Variants in MLLT3 observed in about 807,000 individuals in gnomAD.
The protein encoded by MLLT3 is MLLT3 super elongation complex subunit.
Under a neutral mutation model 53.2 loss-of-function variants are expected in MLLT3, and 4 were observed. That is an observed-to-expected ratio of 0.08 (90% CI 0.04 to 0.17). The LOEUF is 0.17. Among genes scored for constraint, MLLT3 ranks in the 10% least tolerant of loss-of-function variants. The pLI is 1.00. For missense variants in MLLT3, 569 were observed against 684.0 expected (o/e 0.83, Z 1.87); for synonymous variants, 283 against 230.6 (o/e 1.23, Z -2.06).
intron 2 of MLLT3, among the ~76,000 whole-genome samples, chr9:20,543,712 G>GGAC (rs1047921136): frequency 6.6e-6 from 1 of 150,870 alleles, no homozygotes; most frequent in Non-Finnish European, 1.5e-5. Context: ...AAGAGGAGGA[G>GGAC]GACGGAGGAG....
intron 4 of MLLT3, among the ~76,000 whole-genome samples, chr9:20,430,147 G>A (rs570055956): frequency 2.3e-4 from 35 of 152,066 alleles, no homozygotes; most frequent in African/African-American, 8.4e-4. Context: ...AAGTAGCTAG[G>A]AATAAATAAA....
intron 8 of MLLT3, among the ~76,000 whole-genome samples, chr9:20,359,848 T>A (rs1032986602): frequency 3.3e-5 from 5 of 152,208 alleles, no homozygotes; most frequent in African/African-American, 1.2e-4. Context: ...AGGAAATCTG[T>A]CGACACAAAA....
At chr9:20,363,676 G>C (rs1323946057) in intron 6 of MLLT3, 71 bp from the exon 7 acceptor site, 2 of 1,494,856 alleles carry the variant, frequency 1.3e-6, no homozygotes, top group Non-Finnish European at 9.1e-7. Context: ...TAGAAACAGG[G>C]GGATGCTTAC....
intron 10 of MLLT3, among the ~76,000 whole-genome samples, chr9:20,347,766 ATTCTCT>A (rs1299809334): frequency 6.6e-6 from 1 of 152,200 alleles, no homozygotes; most frequent in Non-Finnish European, 1.5e-5. Context: ...GTTGTCTGTT[ATTCTCT>A]TTCTATCACT....
In MLLT3 at chr9:20,621,607, C is replaced by A. The variant is rs1179624036; in HGVS notation, c.12+638G>T. 6.6e-6 allele frequency among the ~76,000 whole-genome samples: 1 copy of A among 152,120 alleles called. No homozygotes were observed. ...CCAAGTGGCTCCAAAGTATCTCCCA[C>A]CTCCCCCCAAAAAATGAAATTCAGA... is the stretch of plus-strand genomic sequence containing the variant. On this transcript the variant is annotated intron_variant, in intron 1 of 10. Coordinates refer to ENST00000380338, the MANE Select transcript of MLLT3 (RefSeq NM_004529.4). The surrounding 1 kb of genome is among the most constrained non-coding windows in gnomAD (Gnocchi z 7.0).
intron 2 of MLLT3, among the ~76,000 whole-genome samples, chr9:20,603,111 A>G (rs1231270490): frequency 6.6e-6 from 1 of 152,134 alleles, no homozygotes. Context: ...CTTTACCATT[A>G]GCAAGAATCA....
chr9:20,571,446 AT>A (rs889651392), intron 2 of MLLT3, among the ~76,000 whole-genome samples: 1 of 152,188 alleles, frequency 6.6e-6, no homozygotes, highest in Non-Finnish European at 1.5e-5. Flanking sequence ...GATTTTATGT[AT>A]TTTTTTACTA....
chr9:20,360,948 A>C, intron 7 of MLLT3, 107 bp from the exon 8 acceptor site: 1 of 954,680 alleles, frequency 1.0e-6, no homozygotes, highest in East Asian at 2.6e-5. Context: ...AACCCTTGAC[A>C]AGTTCATTTT....
chr9:20,428,785 C>T (rs1416919700), intron 4 of MLLT3, among the ~76,000 whole-genome samples: 1 of 151,832 alleles, frequency 6.6e-6, no homozygotes, highest in Non-Finnish European at 1.5e-5. Flanking sequence ...GTAAATACAG[C>T]ATAGGAAGAA....
At chr9:20,491,845 T>C (rs1338233006) in intron 2 of MLLT3, among the ~76,000 whole-genome samples, 3 of 152,094 alleles carry the variant, frequency 2.0e-5, no homozygotes, top group Non-Finnish European at 4.4e-5. Context: ...TTTCAGAGCA[T>C]AGTACAAAGA....
chr9:20,574,765 A>G (rs547840131), intron 2 of MLLT3, among the ~76,000 whole-genome samples: 14 of 152,142 alleles, frequency 9.2e-5, no homozygotes, highest in Non-Finnish European at 1.9e-4. Context: ...TGACAACAAT[A>G]AAGTTTGCTG....
At position 20,389,778 on chromosome 9, in the gene MLLT3, G is replaced by A. The variant is rs111296046; in HGVS notation, c.1125+23943C>T. On this transcript the variant is annotated intron_variant, in intron 5 of 10. Transcript: ENST00000380338. ...TGGGCAACACAGTGAGACCCCGTCCGGTAAGGGAAGGAAAGGGAAATGAAA... is the reference window on the plus strand; with the variant it reads ...TGGGCAACACAGTGAGACCCCGTCCAGTAAGGGAAGGAAAGGGAAATGAAA... Among the ~76,000 whole-genome samples the A allele has an allele frequency of 4.3e-3, 651 of 152,130 alleles. 5 individuals are homozygous for A. Among genetic ancestry groups the A allele is most frequent in the African/African-American group, 0.015 (611 of 41,502 alleles).
At chr9:20,472,206 T>C (rs112280858) in intron 2 of MLLT3, among the ~76,000 whole-genome samples, 2 of 152,214 alleles carry the variant, frequency 1.3e-5, no homozygotes, top group African/African-American at 4.8e-5. Flanking sequence ...TCATTTGCCT[T>C]AAATTTACTG....
intron 2 of MLLT3, among the ~76,000 whole-genome samples, chr9:20,537,995 T>C (rs189598327): frequency 1.1e-4 from 16 of 152,310 alleles, no homozygotes; most frequent in Admixed American, 4.6e-4. Flanking sequence ...AAGGTTCATA[T>C]AACTATTAAA....
At chr9:20,453,605 C>T (rs915083227) in intron 3 of MLLT3, among the ~76,000 whole-genome samples, 1 of 152,112 alleles carries the variant, frequency 6.6e-6, no homozygotes, top group East Asian at 1.9e-4. Flanking sequence ...TTCTTCATTC[C>T]TCTCCTCCAG....
chr9:20,473,044 C>G (rs778138901), intron 2 of MLLT3, among the ~76,000 whole-genome samples: 3 of 152,220 alleles, frequency 2.0e-5, no homozygotes, highest in Non-Finnish European at 4.4e-5. Context: ...GGTCTCTACT[C>G]TAGATCTCTT....
intron 2 of MLLT3, among the ~76,000 whole-genome samples, chr9:20,500,097 G>C (rs1210814655): frequency 2.0e-5 from 3 of 152,188 alleles, no homozygotes; most frequent in African/African-American, 2.4e-5. Context: ...AACAGTAATA[G>C]CCATTTTACT....
intron 2 of MLLT3, among the ~76,000 whole-genome samples, chr9:20,549,394 G>T (rs180801420): frequency 6.6e-6 from 1 of 152,024 alleles, no homozygotes; most frequent in African/African-American, 2.4e-5. Flanking sequence ...CAACAACAAC[G>T]ACTAACTCAA....
At chr9:20,496,063 A>G (rs1486283240) in intron 2 of MLLT3, among the ~76,000 whole-genome samples, 1 of 152,224 alleles carries the variant, frequency 6.6e-6, no homozygotes, top group Admixed American at 6.5e-5. Flanking sequence ...TCACACTTGT[A>G]CTGACCTGTG....
Sources: allele counts gnomAD v4.1 joint callset (sites outside exome capture counted in the v4.1 genomes callset), GRCh38; gene constraint gnomAD v4.1.1; non-coding constraint Gnocchi (gnomAD v3.1); transcripts MANE v1.5; gene names NCBI Gene and HGNC (gene_info 2026-07-23, HGNC 2026-07-21).